ABCA8: variants seen among roughly 807,000 people sequenced by gnomAD.
ABCA8 encodes the protein ATP binding cassette subfamily A member 8, also known as ABC-type organic anion transporter ABCA8.
A neutral mutation model predicts 192.3 loss-of-function variants in ABCA8; 177 were observed. The ratio of observed to expected loss-of-function variants is 0.92; its 90% CI spans 0.81 to 1.04. The LOEUF is 1.04. ABCA8 is among the 50% of genes least tolerant of loss of function. The pLI, the probability that ABCA8 is intolerant of heterozygous loss-of-function variation, is 0.00. For synonymous variants in ABCA8, 642 were observed against 690.2 expected (o/e 0.93, Z 1.09); for missense variants, 1,915 against 1,904.8 (o/e 1.01, Z -0.10).
chr17:68,869,823 A>T, intron 37 of ABCA8, 44 bp from the exon 38 acceptor site: 1 of 1,291,880 alleles, frequency 7.7e-7, no homozygotes, highest in Non-Finnish European at 1.1e-6. Flanking sequence ...CACTTGTGCC[A>T]GATGTGAACT....
chr17:68,935,158 A>C (rs1358900676), intron 5 of ABCA8, among the ~76,000 whole-genome samples: 1 of 150,068 alleles, frequency 6.7e-6, no homozygotes, highest in Admixed American at 6.7e-5. Flanking sequence ...ACAGTGGTGC[A>C]ATCTCGGCTC....
In ABCA8 at chr17:68,894,284, A is replaced by T; in HGVS notation, c.2925T>A (p.Asn975Lys). The change falls in exon 23 of 40, where the codon AAT (asparagine) becomes AAA (lysine). Residue 975 changes from asparagine (N) to lysine (K), a missense_variant. Asn to Lys is a moderately conservative substitution (Grantham distance 94). Coordinates refer to ENST00000586539, the MANE Select transcript of ABCA8 (RefSeq NM_001288985.2). The stretch of plus-strand genomic sequence containing the variant: ...CTGGGAAGCAATTCAATCTTTTGGC[A>T]TTGCATGCTAACGAAAAGCTGTAAT... Reference protein sequence around the residue: ...EKNYSFSLACNAKRLNCFPVL... With the variant: ...EKNYSFSLACKAKRLNCFPVL... 1 of 1,610,470 alleles carries T rather than the reference A, an allele frequency of 6.2e-7. No individual in the cohort carries two copies. The highest frequency in any genetic ancestry group is 8.5e-7 in the Non-Finnish European group (1 of 1,179,172).
Position 68,881,948 on chromosome 17 carries a change from C to T in ABCA8, c.3861G>A (p.Lys1287=), listed in dbSNP as rs778670413. Residue 1287 remains lysine, a synonymous_variant, in exon 31 of 40, where the codon AAG becomes AAA. Coordinates refer to ENST00000586539, the MANE Select transcript of ABCA8 (RefSeq NM_001288985.2). ...KPVIIASCLR[K]EYAGKRKGCF... ...AGCCTTTCCTCTTCCCTGCATACTCCTTGCGTAGACAGCTGGCAATGATGA... is the reference window on the plus strand; with the variant it reads ...AGCCTTTCCTCTTCCCTGCATACTCTTTGCGTAGACAGCTGGCAATGATGA... 6.2e-7 allele frequency: 1 copy of T among 1,613,962 alleles called. No homozygotes were observed. Among genetic ancestry groups the T allele is most frequent in the African/African-American group, 1.3e-5 (1 of 74,936 alleles).
At chr17:68,919,758 C>T (rs2067485320) in intron 13 of ABCA8, 1 of 214,504 alleles carries the variant, frequency 4.7e-6, no homozygotes, top group Admixed American at 5.3e-5. Flanking sequence ...AGAGCTTCCA[C>T]CTAGTGATTT....
At position 68,929,121 on chromosome 17, in the gene ABCA8, T is replaced by C; in HGVS notation, c.1053A>G (p.Arg351=). The C allele has an allele frequency of 6.2e-7, 1 of 1,609,344 alleles. No individual in the cohort carries two copies. The highest frequency in any genetic ancestry group is 8.5e-7 in the Non-Finnish European group (1 of 1,177,412). ...TCCACTCCAAGGATGCAGGAAGGTG[T>C]CTGTACAGTGATGTGAACCCCAGAC... ...WGCLGFTSLY[R]HLPASLEWIL... The change falls in exon 9 of 40, where the codon AGA becomes AGG. Residue 351 remains arginine, a synonymous_variant. Transcript: ENST00000586539.
intron 12 of ABCA8, 46 bp downstream of exon 12, chr17:68,922,196 T>C (rs541941850): frequency 0.024 from 699 of 29,592 alleles, 3 homozygotes; most frequent in South Asian, 0.14. Flanking sequence ...CTCTCTCTCT[T>C]TTTTTTTTTT....
intron 27 of ABCA8, 63 bp downstream of exon 27, chr17:68,885,133 G>A: frequency 6.5e-7 from 1 of 1,536,642 alleles, no homozygotes; most frequent in Non-Finnish European, 8.8e-7. Context: ...CTTCAACATT[G>A]GGCAAAGCTT....
At chr17:68,873,659 C>A (rs1268446783) in intron 37 of ABCA8, among the ~76,000 whole-genome samples, 1 of 152,150 alleles carries the variant, frequency 6.6e-6, no homozygotes, top group Non-Finnish European at 1.5e-5. Context: ...CCTATGTTTT[C>A]TTCTAGGAGT....
intron 17 of ABCA8, 35 bp downstream of exon 17, chr17:68,917,326 C>T: frequency 7.5e-7 from 1 of 1,333,916 alleles, no homozygotes; most frequent in Non-Finnish European, 1.1e-6. Flanking sequence ...AAGCCTTACA[C>T]TAGATCTACT....
chr17:68,901,029 C>CA (rs986815532), intron 21 of ABCA8, among the ~76,000 whole-genome samples: 4 of 152,040 alleles, frequency 2.6e-5, no homozygotes, highest in African/African-American at 4.8e-5. Context: ...AAATAGATTG[C>CA]AAAAAGGCAT....
intron 15 of ABCA8, 21 bp downstream of exon 15, chr17:68,918,405 CT>C (rs770196949): frequency 3.2e-6 from 5 of 1,557,772 alleles, no homozygotes; most frequent in Non-Finnish European, 4.3e-6. Context: ...TTGAATTCAC[CT>C]GCAAATTCAA....
In ABCA8 at chr17:68,932,473, A is replaced by G. The variant is rs1346347570; in HGVS notation, c.612T>C (p.Val204=). 2.5e-6 allele frequency: 4 copies of G among 1,613,952 alleles called. No homozygotes were observed. In the East Asian group the frequency reaches 8.9e-5, roughly 36 times the overall value. ...NHSVMEELMS[V]TGKNMKMHSF... Reference sequence around the variant, plus strand: ...AATGCATCTTCATATTTTTTCCAGTAACTGACATCAGCTCCTCCATCACTG... The same window carrying G: ...AATGCATCTTCATATTTTTTCCAGTGACTGACATCAGCTCCTCCATCACTG... The change falls in exon 7 of 40, where the codon GTT becomes GTC. Residue 204 remains valine, a synonymous_variant. Coordinates refer to ENST00000586539, the MANE Select transcript of ABCA8 (RefSeq NM_001288985.2).
At chr17:68,908,535 T>A (rs1046490397) in intron 17 of ABCA8, among the ~76,000 whole-genome samples, 1 of 152,154 alleles carries the variant, frequency 6.6e-6, no homozygotes, top group African/African-American at 2.4e-5. Flanking sequence ...TTATCAATAG[T>A]AGTAAGTGCT....
rs2068683286 is a variant in ABCA8 at position 68,955,268 on chromosome 17, GCTC to G, written c.-219_-217del. The stretch of plus-strand genomic sequence containing the variant: ...TCTAGAGGTATGGTTTATCCACTGA[GCTC>G]CTTGTTTAGAAGAAAGTTATTCATA... On this transcript the variant is annotated 5_prime_UTR_variant, in exon 1 of 40. Coordinates refer to ENST00000586539, the MANE Select transcript of ABCA8 (RefSeq NM_001288985.2). 6.6e-6 allele frequency: 1 copy of G among 152,174 alleles called. No homozygotes were observed. Among genetic ancestry groups the G allele is most frequent in the South Asian group, 2.1e-4 (1 of 4,830 alleles). The allele number at this position is 152,174 out of a possible 1,614,324, so 9.4% of individuals were successfully genotyped here.
chr17:68,886,365 G>T (rs887036682), intron 26 of ABCA8, among the ~76,000 whole-genome samples: 1 of 152,084 alleles, frequency 6.6e-6, no homozygotes, highest in Admixed American at 6.5e-5. Flanking sequence ...CCAGTTCCTA[G>T]GATCAGCTTG....
At chr17:68,869,887 A>G (rs1267667680) in intron 37 of ABCA8, 108 bp from the exon 38 acceptor site, 1 of 741,390 alleles carries the variant, frequency 1.3e-6, no homozygotes, top group African/African-American at 1.8e-5. Flanking sequence ...GGTGTTAGGA[A>G]CATTTAACAT....
In ABCA8 at chr17:68,868,051, C is replaced by T; in HGVS notation, c.*34G>A. ...AAAAATAAATGTATTTAAAAAAAAC[C>T]ACGGGTTTAAACAGGAACACAGAAT... On this transcript the variant is annotated 3_prime_UTR_variant, in exon 40 of 40. Transcript: ENST00000586539. The T allele has an allele frequency of 2.0e-6, 3 of 1,479,946 alleles. No individual in the cohort carries two copies. The highest frequency in any genetic ancestry group is 2.2e-5 in the Admixed American group (1 of 46,096). 91.7% of individuals were successfully genotyped at this position (1,479,946 alleles called of 1,614,324 possible). A position where few individuals can be genotyped will look rare whatever the true frequency, so the allele number is the denominator to read the frequency against.
At chr17:68,947,319 T>C (rs1298481508) in intron 2 of ABCA8, among the ~76,000 whole-genome samples, 1 of 152,244 alleles carries the variant, frequency 6.6e-6, no homozygotes, top group East Asian at 1.9e-4. Flanking sequence ...CTATAATTTG[T>C]CATAAGGTAT....
At position 68,875,397 on chromosome 17, in the gene ABCA8, A is replaced by G; in HGVS notation, c.4494T>C (p.Cys1498=). The G allele has an allele frequency of 6.2e-7, 1 of 1,614,086 alleles. No individual in the cohort carries two copies. The highest frequency in any genetic ancestry group is 8.5e-7 in the Non-Finnish European group (1 of 1,179,998). Residue 1498 remains cysteine (C), a synonymous_variant, in exon 37 of 40, where the codon TGT becomes TGC. Coordinates refer to ENST00000586539, the MANE Select transcript of ABCA8 (RefSeq NM_001288985.2). ...VAIMVSGRLR[C]IGSIQHLKSK... Reference sequence around the variant, plus strand: ...TTTTCAGGTGTTGGATGGAACCGATACATCTGGAGGATGAGGTCATATGAG... The same window carrying G: ...TTTTCAGGTGTTGGATGGAACCGATGCATCTGGAGGATGAGGTCATATGAG...
Sources: gnomAD v4.1 joint callset for allele counts (sites outside exome capture counted in the v4.1 genomes callset) on GRCh38, gnomAD v4.1.1 for gene constraint, MANE v1.5 for transcripts, NCBI Gene and HGNC (gene_info 2026-07-23, HGNC 2026-07-21) for gene names.